Variants in LIN7A observed in about 807,000 individuals in gnomAD.
LIN7A encodes the protein protein lin-7 homolog A.
Under a neutral mutation model 29.8 loss-of-function variants are expected in LIN7A, and 25 were observed. The ratio of observed to expected loss-of-function variants is 0.84; its 90% CI spans 0.61 to 1.17. The LOEUF (loss-of-function observed/expected upper bound fraction) is 1.17, where lower values mean the gene tolerates loss of function less well. LIN7A is among the 50% of genes most tolerant of loss of function. LIN7A has a pLI of 0.00. For synonymous variants in LIN7A, 118 were observed against 107.5 expected (o/e 1.10, Z -0.60); for missense variants, 239 against 287.0 (o/e 0.83, Z 1.21).
chr12:80,879,389 C>T (rs143458238), intron 2 of LIN7A, among the ~76,000 whole-genome samples: 187 of 152,106 alleles, frequency 1.2e-3, no homozygotes, highest in African/African-American at 4.2e-3. Context: ...TATTTGTTTG[C>T]ATTTGTCATT....
chr12:80,931,526 T>A (rs1877903592), intron 1 of LIN7A, among the ~76,000 whole-genome samples: 1 of 151,480 alleles, frequency 6.6e-6, no homozygotes, highest in African/African-American at 2.4e-5. Flanking sequence ...GCCTGTTGCC[T>A]CCTCGGGAGG....
At chr12:80,862,361 C>T (rs1873924089) in intron 2 of LIN7A, among the ~76,000 whole-genome samples, 1 of 152,062 alleles carries the variant, frequency 6.6e-6, no homozygotes, top group Non-Finnish European at 1.5e-5. Flanking sequence ...TTTTTATTTG[C>T]AGGAATGTTG....
chr12:80,913,038 G>A lies in LIN7A; in HGVS notation c.83-23669C>T, dbSNP rs189675814. Among the ~76,000 whole-genome samples, 57 of 152,234 alleles carry A rather than the reference G, an allele frequency of 3.7e-4. 1 individual carries two copies. In the East Asian group the frequency reaches 8.3e-3, roughly 22 times the overall value. ...CAGAGAGTGAGTTGAAGAAAACACA[G>A]GTGCCTAATTCACAAGCTACAAAAA... On this transcript the variant is annotated intron_variant, in intron 1 of 5. Transcript: ENST00000552864.
chr12:80,910,396 T>C (rs1160771095), intron 1 of LIN7A, among the ~76,000 whole-genome samples: 2 of 152,158 alleles, frequency 1.3e-5, no homozygotes, highest in African/African-American at 4.8e-5. Flanking sequence ...TTGTACTGAC[T>C]AGGACACCTC....
At chr12:80,909,132 G>GTTAATT (rs1876628610) in intron 1 of LIN7A, among the ~76,000 whole-genome samples, 3 of 151,908 alleles carry the variant, frequency 2.0e-5, no homozygotes, top group Admixed American at 6.6e-5. Flanking sequence ...CCCATTTTGA[G>GTTAATT]TTAATTTTTG....
chr12:80,857,608 C>T (rs961660089), intron 2 of LIN7A, among the ~76,000 whole-genome samples: 4 of 152,120 alleles, frequency 2.6e-5, no homozygotes, highest in African/African-American at 9.7e-5. Context: ...AACTAGACTG[C>T]AGATATAGAA....
At chr12:80,937,555 T>A (rs911016543) in intron 1 of LIN7A, 86 bp downstream of exon 1, 6 of 986,820 alleles carry the variant, frequency 6.1e-6, no homozygotes. Context: ...CCTGAGCGCG[T>A]CCCATGTCCC....
chr12:80,923,664 C>T (rs1213414016), intron 1 of LIN7A, among the ~76,000 whole-genome samples: 1 of 152,086 alleles, frequency 6.6e-6, no homozygotes, highest in African/African-American at 2.4e-5. Flanking sequence ...TTCTACCTGT[C>T]TGTTCTTTGA....
chr12:80,839,445 A>T (rs1872714634), intron 4 of LIN7A, among the ~76,000 whole-genome samples: 1 of 152,236 alleles, frequency 6.6e-6, no homozygotes, highest in African/African-American at 2.4e-5. Flanking sequence ...AGTGTCTGGC[A>T]TTCAACAAAT....
intron 1 of LIN7A, among the ~76,000 whole-genome samples, chr12:80,915,318 T>C (rs531459170): frequency 6.6e-6 from 1 of 152,282 alleles, no homozygotes; most frequent in South Asian, 2.1e-4. Flanking sequence ...TACAATGAGA[T>C]ACCATCTCAC....
intron 1 of LIN7A, among the ~76,000 whole-genome samples, chr12:80,917,252 A>G (rs992430544): frequency 6.6e-6 from 1 of 152,200 alleles, no homozygotes; most frequent in Admixed American, 6.5e-5. Flanking sequence ...TGAAAGGGCA[A>G]ACTGGCAAAG....
At chr12:80,934,862 C>T (rs776798024) in intron 1 of LIN7A, among the ~76,000 whole-genome samples, 2 of 152,150 alleles carry the variant, frequency 1.3e-5, no homozygotes, top group Non-Finnish European at 2.9e-5. Flanking sequence ...GCACCTTCTT[C>T]CCTTCCTCTC....
At chr12:80,817,985 A>C (rs559904958) in intron 4 of LIN7A, among the ~76,000 whole-genome samples, 2 of 152,300 alleles carry the variant, frequency 1.3e-5, no homozygotes, top group South Asian at 2.1e-4. Flanking sequence ...AAGGAATAGC[A>C]TGGGGCTACC....
intron 1 of LIN7A, among the ~76,000 whole-genome samples, chr12:80,918,236 T>A (rs949812570): frequency 4.6e-5 from 7 of 151,794 alleles, no homozygotes; most frequent in African/African-American, 1.5e-4. Context: ...ATTTATTTTT[T>A]AATTTTTTTT....
chr12:80,823,428 C>T (rs947671649), intron 4 of LIN7A, among the ~76,000 whole-genome samples: 1 of 152,334 alleles, frequency 6.6e-6, no homozygotes, highest in Admixed American at 6.5e-5. Flanking sequence ...TTGTGGTACA[C>T]CTGGTCCAGC....
chr12:80,846,017 T>A, intron 3 of LIN7A, 78 bp from the exon 4 acceptor site: 1 of 1,254,094 alleles, frequency 8.0e-7, no homozygotes, highest in Non-Finnish European at 1.1e-6. Context: ...TTGCAGTGGG[T>A]AGCTCAGGCA....
intron 5 of LIN7A, among the ~76,000 whole-genome samples, chr12:80,800,999 C>A (rs973112281): frequency 2.6e-5 from 4 of 151,672 alleles, no homozygotes; most frequent in African/African-American, 9.7e-5. Context: ...CTAATGTTAA[C>A]CATATTGTTT....
At chr12:80,904,241 C>T (rs1486883501) in intron 1 of LIN7A, among the ~76,000 whole-genome samples, 3 of 152,070 alleles carry the variant, frequency 2.0e-5, no homozygotes, top group African/African-American at 4.8e-5. Context: ...CATGCACATA[C>T]TATGGAATGG....
At chr12:80,862,754 CA>C (rs931840101) in intron 2 of LIN7A, among the ~76,000 whole-genome samples, 9 of 152,084 alleles carry the variant, frequency 5.9e-5, no homozygotes, top group African/African-American at 2.2e-4. Flanking sequence ...AAATAGATGG[CA>C]AAAAGCCCAC....
Sources: gnomAD v4.1 joint callset for allele counts (sites outside exome capture counted in the v4.1 genomes callset) on GRCh38, gnomAD v4.1.1 for gene constraint, MANE v1.5 for transcripts, NCBI Gene and HGNC (gene_info 2026-07-23, HGNC 2026-07-21) for gene names.